ANK2: variants seen among roughly 807,000 people sequenced by gnomAD.
ANK2 encodes the protein ankyrin 2.
Under a neutral mutation model 360.5 loss-of-function variants are expected in ANK2, and 83 were observed. That is an observed-to-expected ratio of 0.23 (90% CI 0.19 to 0.28). The LOEUF (loss-of-function observed/expected upper bound fraction) is 0.28, where lower values mean the gene tolerates loss of function less well. ANK2 is among the 10% of genes least tolerant of loss of function. The pLI is 1.00. For synonymous variants in ANK2, 1,740 were observed against 1,759.5 expected, an observed-to-expected ratio of 0.99 and a Z score of 0.28; for missense variants, 4,201 against 4,795.7, an observed-to-expected ratio of 0.88 and a Z score of 3.66.
intron 4 of ANK2, among the ~76,000 whole-genome samples, chr4:113,230,567 C>A (rs2099279293): frequency 6.6e-6 from 1 of 152,000 alleles, no homozygotes; most frequent in Admixed American, 6.6e-5. Context: ...TCTCTGAACG[C>A]TGATCTGTGT....
At chr4:113,324,943 T>C (rs1206458685) in intron 26 of ANK2, among the ~76,000 whole-genome samples, 1 of 152,220 alleles carries the variant, frequency 6.6e-6, no homozygotes, top group Non-Finnish European at 1.5e-5. Context: ...GACTGGATCA[T>C]GGTTTTCTCC....
the ANK2 span, among the ~76,000 whole-genome samples, chr4:112,772,993 T>A: frequency 2.0e-5 from 3 of 152,146 alleles, no homozygotes; most frequent in Admixed American, 2.0e-4. Flanking sequence ...AATGAGAGCT[T>A]AGAATCTGTA....
At chr4:112,752,532 G>GACCA in the ANK2 span, among the ~76,000 whole-genome samples, 1 of 148,808 alleles carries the variant, frequency 6.7e-6, no homozygotes, top group Non-Finnish European at 1.5e-5. Context: ...CATGCCACCA[G>GACCA]GCCTGGCTAA....
intron 1 of ANK2, among the ~76,000 whole-genome samples, chr4:113,164,427 A>G (rs1450787661): frequency 6.6e-6 from 1 of 152,180 alleles, no homozygotes; most frequent in African/African-American, 2.4e-5. Context: ...TTAAGAATCT[A>G]TTTTTTGTTC....
intron 1 of ANK2, among the ~76,000 whole-genome samples, chr4:112,830,199 C>T (rs1395840281): frequency 6.6e-6 from 1 of 152,128 alleles, no homozygotes; most frequent in African/African-American, 2.4e-5. Context: ...CATATGCACA[C>T]ATATGTTCAT....
At position 113,258,053 on chromosome 4, in the gene ANK2, G is replaced by A. The variant is rs747002438; in HGVS notation, c.1192G>A (p.Gly398Ser). The change falls in exon 12 of 46, where the codon GGT becomes AGT. Residue 398 changes from glycine (G) to serine (S), a missense_variant. Around this residue, in one of 4 missense-constraint regions of ANK2, gnomAD observed 1,268 missense variants for 1,650.8 expected, o/e 0.77. Coordinates refer to ENST00000357077, the MANE Select transcript of ANK2 (RefSeq NM_001148.6). ...RANPNARALN[G>S]FTPLHIACKK... ...AACTTGATTGTCTTTTGCACAGAAT[G>A]GTTTTACTCCACTGCACATTGCCTG... is the stretch of plus-strand genomic sequence containing the variant. The A allele has an allele frequency of 6.2e-7, 1 of 1,613,586 alleles. No individual in the cohort carries two copies. Among genetic ancestry groups the A allele is most frequent in the South Asian group, 1.1e-5 (1 of 91,068 alleles).
At chr4:113,012,124 T>C (rs2054944926) in intron 2 of ANK2, among the ~76,000 whole-genome samples, 1 of 152,128 alleles carries the variant, frequency 6.6e-6, no homozygotes, top group Non-Finnish European at 1.5e-5. Flanking sequence ...TGCATGTATA[T>C]AGAGATTGGA....
intron 1 of ANK2, among the ~76,000 whole-genome samples, chr4:113,061,901 T>C (rs946504417): frequency 1.3e-5 from 2 of 152,112 alleles, no homozygotes; most frequent in Non-Finnish European, 2.9e-5. Flanking sequence ...AAGTGATAGA[T>C]ACCCTGTTTA....
At chr4:113,155,188 A>T (rs2097238877) in intron 1 of ANK2, among the ~76,000 whole-genome samples, 1 of 152,208 alleles carries the variant, frequency 6.6e-6, no homozygotes, top group Admixed American at 6.5e-5. Context: ...TAGCTTTGTG[A>T]ACCGAGTATT....
chr4:113,338,698 C>T (rs1429438043), intron 31 of ANK2, among the ~76,000 whole-genome samples: 2 of 151,784 alleles, frequency 1.3e-5, no homozygotes, highest in African/African-American at 4.8e-5. Flanking sequence ...TACAGGTGCC[C>T]ACCACTATGC....
chr4:113,048,691 A>G (rs1287170170), upstream of ANK2, among the ~76,000 whole-genome samples: 6 of 152,078 alleles, frequency 3.9e-5, no homozygotes, highest in African/African-American at 1.4e-4. Flanking sequence ...CCAGAACTTT[A>G]TAGTATACAC....
chr4:112,897,221 C>T (rs141883807), intron 1 of ANK2, among the ~76,000 whole-genome samples: 336 of 152,238 alleles, frequency 2.2e-3, no homozygotes, highest in African/African-American at 7.3e-3. Context: ...CTTCTGGTCC[C>T]CCATGACAGA....
chr4:113,241,510 T>A (rs940818552), intron 8 of ANK2, among the ~76,000 whole-genome samples: 11 of 152,254 alleles, frequency 7.2e-5, no homozygotes, highest in African/African-American at 2.4e-4. Context: ...GCTAATTTTT[T>A]AAAATTTTTT....
intron 1 of ANK2, among the ~76,000 whole-genome samples, chr4:112,835,424 T>G (rs185350730): frequency 5.9e-5 from 9 of 152,304 alleles, no homozygotes; most frequent in Admixed American, 4.6e-4. Flanking sequence ...TTTTCTCATA[T>G]ACTTATGCAT....
At chr4:113,071,570 C>T (rs555293426) in intron 1 of ANK2, among the ~76,000 whole-genome samples, 7 of 152,268 alleles carry the variant, frequency 4.6e-5, no homozygotes, top group South Asian at 2.1e-4. Context: ...AGCTAACATG[C>T]GCAGTGTTCT....
At chr4:112,774,825 T>G in the ANK2 span, among the ~76,000 whole-genome samples, 2 of 152,168 alleles carry the variant, frequency 1.3e-5, no homozygotes, top group Admixed American at 1.3e-4. Flanking sequence ...CCATTAAAGA[T>G]TTGGAACTGT....
chr4:112,736,918 C>T, the ANK2 span, among the ~76,000 whole-genome samples: 1 of 152,142 alleles, frequency 6.6e-6, no homozygotes, highest in Non-Finnish European at 1.5e-5. Context: ...CTTGAAGGAG[C>T]ACAATTACAT....
chr4:112,807,769 A>G, the ANK2 span, among the ~76,000 whole-genome samples: 1 of 152,256 alleles, frequency 6.6e-6, no homozygotes, highest in African/African-American at 2.4e-5. Flanking sequence ...GGCCTTGGGC[A>G]ATTCCCCAGA....
chr4:113,333,242 A>G (rs764391539), intron 29 of ANK2, 34 bp downstream of exon 29: 1 of 1,612,916 alleles, frequency 6.2e-7, no homozygotes, highest in Non-Finnish European at 8.5e-7. Flanking sequence ...AAAGAAATCT[A>G]AACTGGAAGC....
Sources: allele counts gnomAD v4.1 joint callset (sites outside exome capture counted in the v4.1 genomes callset), GRCh38; gene constraint gnomAD v4.1.1; regional missense constraint gnomAD v4.1.1; transcripts MANE v1.5; gene names NCBI Gene and HGNC (gene_info 2026-07-23, HGNC 2026-07-21).